The following ZNF365 variants were observed in gnomAD, a reference collection of about 807,000 sequenced individuals.
The protein encoded by ZNF365 is protein ZNF365.
A neutral mutation model predicts 35.0 loss-of-function variants in ZNF365; 22 were observed. The observed-to-expected ratio is 0.63, with a 90% CI of 0.45 to 0.90. The LOEUF is 0.90. ZNF365 is among the 40% of genes least tolerant of loss of function. ZNF365 has a pLI of 0.00. For missense variants in ZNF365, 448 were observed against 500.3 expected (o/e 0.90, Z 1.00); for synonymous variants, 188 against 196.2 (o/e 0.96, Z 0.35).
At chr10:62,473,306 C>T (rs1296348628) in intron 4 of ZNF365, among the ~76,000 whole-genome samples, 1 of 152,116 alleles carries the variant, frequency 6.6e-6, no homozygotes, top group Non-Finnish European at 1.5e-5. Flanking sequence ...AGTAAGGAAC[C>T]TGGGCAAAGT....
In ZNF365 at chr10:62,454,148, T is replaced by C. The variant is rs140770547; in HGVS notation, c.925-5593T>C. Among the ~76,000 whole-genome samples the C allele has an allele frequency of 5.9e-5, 9 of 152,328 alleles. No individual in the cohort carries two copies. The East Asian group carries it at 1.2e-3, about 20-fold the overall frequency. ...ATGATGTAGCATTACACCTTCCTCA[T>C]AGGGAACTTACCAGGTACTTATCAA... is the stretch of plus-strand genomic sequence containing the variant. On this transcript the variant is annotated intron_variant, in intron 3 of 4. Transcript: ENST00000395255.
rs1589430190 is a variant in ZNF365 at position 62,388,555 on chromosome 10, C to T, written c.903C>T (p.Val301=). The change falls in exon 3 of 5, where the codon GTC becomes GTT. Residue 301 remains valine, a synonymous_variant. Coordinates refer to ENST00000395254, the MANE Select transcript of ZNF365 (RefSeq NM_014951.3). ...YYQSQQASGF[V]RDLSGHVLTD... Reference sequence around the variant, plus strand: ...AGAGCCAGCAGGCCTCTGGCTTTGTCCGTGATCTCAGCGGGCACGTGGTGA... The same window carrying T: ...AGAGCCAGCAGGCCTCTGGCTTTGTTCGTGATCTCAGCGGGCACGTGGTGA... 6.2e-7 allele frequency: 1 copy of T among 1,613,988 alleles called. No homozygotes were observed. The highest frequency in any genetic ancestry group is 8.5e-7 in the Non-Finnish European group (1 of 1,180,008).
At chr10:62,435,342 CCTT>C (rs940503623) in intron 3 of ZNF365, among the ~76,000 whole-genome samples, 1 of 152,094 alleles carries the variant, frequency 6.6e-6, no homozygotes, top group Non-Finnish European at 1.5e-5. Context: ...ATAAACTTAA[CCTT>C]CTGAATAATA....
rs75570384 is a variant in ZNF365, at chr10:62,457,440, G to T, written c.925-2301G>T. 8.5e-5 allele frequency among the ~76,000 whole-genome samples: 13 copies of T among 152,270 alleles called. No individual in the cohort carries two copies. The East Asian group carries it at 2.5e-3, about 29-fold the overall frequency. On this transcript the variant is annotated intron_variant, in intron 3 of 4. Coordinates refer to the ZNF365 transcript ENST00000395255. ...GACCTAGGTCCCATATTCCATCATG[G>T]GTGTAGAATTACATTCACATTTGCC...
chr10:62,377,001 G>C, intron 2 of ZNF365, 65 bp downstream of exon 2: 1 of 1,530,934 alleles, frequency 6.5e-7, no homozygotes, highest in Non-Finnish European at 8.7e-7. Flanking sequence ...CGCCTTACAA[G>C]CAAATGCTAA....
chr10:62,398,183 A>T (rs1043534269), intron 3 of ZNF365, among the ~76,000 whole-genome samples: 1 of 152,230 alleles, frequency 6.6e-6, no homozygotes, highest in African/African-American at 2.4e-5. Context: ...AACTGCAAAA[A>T]TATGGAATCA....
Position 62,450,258 on chromosome 10 carries a change from G to T in ZNF365, c.925-9483G>T, listed in dbSNP as rs151301404. On this transcript the variant is annotated intron_variant, in intron 3 of 4. Coordinates refer to the ZNF365 transcript ENST00000395255. ...GATAGCTAATAATGTTTAAGTGCTT[G>T]CTGTGTGCTAAGTACTGTGCAAAGC... Among the ~76,000 whole-genome samples the T allele has an allele frequency of 1.2e-4, 19 of 152,270 alleles. No homozygotes were observed. The East Asian group carries it at 3.7e-3, about 29-fold the overall frequency.
At chr10:62,472,108 C>A (rs1042713934) in intron 4 of ZNF365, among the ~76,000 whole-genome samples, 2 of 152,220 alleles carry the variant, frequency 1.3e-5, no homozygotes, top group African/African-American at 4.8e-5. Context: ...CCTGATTTAA[C>A]ATGCACCTGT....
chr10:62,398,930 C>T (rs557132857), intron 4 of ZNF365, among the ~76,000 whole-genome samples, 153 bp downstream of exon 4: 1 of 152,244 alleles, frequency 6.6e-6, no homozygotes, highest in East Asian at 1.9e-4. Flanking sequence ...GCATGTGTAT[C>T]TAACTTTGTG....
intron 3 of ZNF365, among the ~76,000 whole-genome samples, chr10:62,420,832 G>T (rs1564582860): frequency 6.6e-6 from 1 of 151,662 alleles, no homozygotes; most frequent in Non-Finnish European, 1.5e-5. Flanking sequence ...ACCTGGGCTG[G>T]AGTGCAGTGG....
Position 62,376,830 on chromosome 10 carries a change from A to T in ZNF365, c.637A>T (p.Arg213Ter). The T allele has an allele frequency of 6.2e-7, 1 of 1,614,204 alleles. No homozygotes were observed. The highest frequency in any genetic ancestry group is 8.5e-7 in the Non-Finnish European group (1 of 1,180,032). Reference sequence around the variant, plus strand: ...GACTCAGAAAAAGCAGGAAGTTCAGAGACGAGAGCGGGCCTTAAACAGACA... The same window carrying T: ...GACTCAGAAAAAGCAGGAAGTTCAGTGACGAGAGCGGGCCTTAAACAGACA... ...QLTQKKQEVQRRERALNRQVD... is the reference protein window; with the variant it reads ...QLTQKKQEVQ The change falls in exon 2 of 5, where the codon AGA (arginine) becomes TGA (stop). Residue 213 changes from arginine (R) to a stop codon, truncating the protein, a stop_gained. Coordinates refer to ENST00000395254, the MANE Select transcript of ZNF365 (RefSeq NM_014951.3). LOFTEE classifies it high-confidence loss of function.
rs1589437360 is a variant in ZNF365 at position 62,401,911 on chromosome 10, T to C, written c.*2122T>C. On this transcript the variant is annotated 3_prime_UTR_variant, in exon 5 of 5. Transcript: ENST00000395254. ...GAATTATTTTGAGATTTGTTTATTATATTAAAATGTTTTTTTACGTTCCCA... is the reference window on the plus strand; with the variant it reads ...GAATTATTTTGAGATTTGTTTATTACATTAAAATGTTTTTTTACGTTCCCA... 1 of 985,316 alleles carries C rather than the reference T, an allele frequency of 1.0e-6. No individual in the cohort carries two copies. The highest frequency in any genetic ancestry group is 1.2e-6 in the Non-Finnish European group (1 of 829,672). 61.0% of individuals were successfully genotyped at this position (985,316 alleles called of 1,614,324 possible).
chr10:62,434,533 A>G (rs981421708), intron 3 of ZNF365, among the ~76,000 whole-genome samples: 2 of 152,140 alleles, frequency 1.3e-5, no homozygotes, highest in Non-Finnish European at 2.9e-5. Context: ...TCTCTGGCAT[A>G]TTAATATAAT....
At chr10:62,420,450 A>T (rs1840148768) in intron 3 of ZNF365, among the ~76,000 whole-genome samples, 1 of 152,236 alleles carries the variant, frequency 6.6e-6, no homozygotes, top group African/African-American at 2.4e-5. Flanking sequence ...TAACTATGTC[A>T]CAGAAAAAGA....
intron 3 of ZNF365, among the ~76,000 whole-genome samples, chr10:62,452,074 G>A (rs969205690): frequency 1.3e-5 from 2 of 152,168 alleles, no homozygotes; most frequent in East Asian, 3.8e-4. Context: ...ATTCCCGAAG[G>A]TCTATCTAGG....
At chr10:62,456,815 A>G (rs534639790) in intron 3 of ZNF365, among the ~76,000 whole-genome samples, 2 of 151,084 alleles carry the variant, frequency 1.3e-5, no homozygotes, top group Admixed American at 6.6e-5. Flanking sequence ...AATGATGCTC[A>G]GTTAAAACAC....
At chr10:62,462,341 T>G (rs190503422) in intron 4 of ZNF365, among the ~76,000 whole-genome samples, 54 of 152,366 alleles carry the variant, frequency 3.5e-4, no homozygotes, top group African/African-American at 1.3e-3. Context: ...TAGAGAAAGC[T>G]TCTTTAGGCT....
intron 4 of ZNF365, among the ~76,000 whole-genome samples, chr10:62,475,159 G>A (rs1330191750): frequency 1.3e-5 from 2 of 152,144 alleles, no homozygotes; most frequent in African/African-American, 2.4e-5. Flanking sequence ...AACAATGGAG[G>A]GTTACAAGTT....
At chr10:62,462,089 T>C (rs1840856827) in intron 4 of ZNF365, among the ~76,000 whole-genome samples, 1 of 152,170 alleles carries the variant, frequency 6.6e-6, no homozygotes, top group African/African-American at 2.4e-5. Flanking sequence ...ATCGGAGTAC[T>C]TTGTATAGGG....
Sources: allele counts gnomAD v4.1 joint callset (sites outside exome capture counted in the v4.1 genomes callset), GRCh38; gene constraint gnomAD v4.1.1; transcripts MANE v1.5; gene names NCBI Gene and HGNC (gene_info 2026-07-23, HGNC 2026-07-21).